MNX1: variants seen among roughly 807,000 people sequenced by gnomAD.
MNX1 encodes motor neuron and pancreas homeobox 1.
MNX1 carries 2 observed loss-of-function variants against 17.3 expected under a neutral mutation model. The observed-to-expected ratio is 0.12, with a 90% CI of 0.05 to 0.36. The LOEUF (loss-of-function observed/expected upper bound fraction) is 0.36. MNX1 is among the 10% of genes least tolerant of loss of function. The pLI is 1.00. For synonymous variants in MNX1, 306 were observed against 283.1 expected (o/e 1.08, Z -0.81); for missense variants, 556 against 564.7 (o/e 0.98, Z 0.16).
chr7:157,005,560 G>A lies in MNX1; in HGVS notation c.1166C>T (p.Ser389Leu), dbSNP rs200578176. ...CTGGTGGCTGGGCCGCGGGGGCGGC[G>A]AGTCGTCCTCCGAGGAGCAGTCGGA... The part of the protein sequence containing the change: ...ASSDCSSEDD[S>L]PPPRPSHQPA... The change falls in exon 3 of 3, where the codon TCG (serine) becomes TTG (leucine). Residue 389 changes from serine (S) to leucine (L), a missense_variant. This residue lies in a region of MNX1 where 178 missense variants were observed against 155.2 expected (regional missense o/e 1.15). Coordinates refer to ENST00000252971, the MANE Select transcript of MNX1 (RefSeq NM_005515.4). 3.1e-5 allele frequency: 48 copies of A among 1,561,544 alleles called. No individual in the cohort carries two copies. In the South Asian group the frequency reaches 4.3e-4, roughly 14 times the overall value.
chr7:157,009,361 T>C (rs1805664086), intron 1 of MNX1: 1 of 1,413,990 alleles, frequency 7.1e-7, no homozygotes. Context: ...CCCGGCGACT[T>C]CCTTCTCCTG....
rs746901793 is a variant in MNX1, at chr7:157,006,647, C to G, written c.692-8G>C. On this transcript the variant is annotated splice_polypyrimidine_tract_variant and splice_region_variant and intron_variant, in intron 1 of 2. Coordinates refer to ENST00000252971, the MANE Select transcript of MNX1 (RefSeq NM_005515.4). The surrounding 1 kb of genome is among the most constrained non-coding windows in gnomAD (Gnocchi z 6.3). ...GGTTCGACTGCGCCTGGGCTGGGGACCAAAGGGCAGTGAGGCCCACAGCCG... is the reference window on the plus strand; with the variant it reads ...GGTTCGACTGCGCCTGGGCTGGGGAGCAAAGGGCAGTGAGGCCCACAGCCG... 1.3e-5 allele frequency: 21 copies of G among 1,580,908 alleles called. No homozygotes were observed. In the South Asian group the frequency reaches 1.5e-4, roughly 11 times the overall value.
chr7:157,009,408 C>T (rs1268221695), intron 1 of MNX1: 5 of 1,425,636 alleles, frequency 3.5e-6, no homozygotes, highest in Admixed American at 2.9e-5. Context: ...CAGTCTCACA[C>T]CTCCAACTGC....
rs1311854133 is a variant in MNX1 at position 157,005,565 on chromosome 7, G to C, written c.1161C>G (p.Asp387Glu). ...GGCTGGGCCGCGGGGGCGGCGAGTC[G>C]TCCTCCGAGGAGCAGTCGGAGGAGG... ...HAASSDCSSE[D>E]DSPPPRPSHQ... Residue 387 changes from aspartate (D) to glutamate (E), a missense_variant, in exon 3 of 3, where the codon GAC (aspartate) becomes GAG (glutamate). By Grantham distance (45) the Asp-to-Glu change is conservative. Transcript: ENST00000252971. 1 of 1,571,230 alleles carries C rather than the reference G, an allele frequency of 6.4e-7. No individual in the cohort carries two copies. The highest frequency in any genetic ancestry group is 8.6e-7 in the Non-Finnish European group (1 of 1,162,832).
At chr7:157,008,289 T>C (rs1805641318) in intron 1 of MNX1, 1 of 152,302 alleles carries the variant, frequency 6.6e-6, no homozygotes, top group Admixed American at 6.5e-5. Flanking sequence ...GTCATATTGG[T>C]GGCTTTCTAT....
At chr7:157,007,211 C>T (rs970638037) in intron 1 of MNX1, 1 of 152,224 alleles carries the variant, frequency 6.6e-6, no homozygotes, top group African/African-American at 2.4e-5. Flanking sequence ...CAGATCCAAA[C>T]AGGTCTGGGA....
chr7:157,010,590 C>T lies in MNX1; in HGVS notation c.-240G>A, dbSNP rs561868927. The T allele has an allele frequency of 5.1e-4, 157 of 305,312 alleles. No individual in the cohort carries two copies. Among genetic ancestry groups the T allele is most frequent in the African/African-American group, 3.1e-3 (144 of 46,500 alleles). 18.9% of individuals were successfully genotyped at this position (305,312 alleles called of 1,614,324 possible). A position where few individuals can be genotyped will look rare whatever the true frequency, so the allele number is the denominator to read the frequency against. ...AAACTCCCACGCGAGTGCTTCCCCG[C>T]GTCCGGGCCCGGGAGCCCGGTTCTT... On this transcript the variant is annotated 5_prime_UTR_variant, in exon 1 of 3. Transcript: ENST00000252971.
In MNX1 at chr7:157,006,683, T is replaced by C; in HGVS notation, c.692-44A>G. 1 of 1,530,856 alleles carries C rather than the reference T, an allele frequency of 6.5e-7. No homozygotes were observed. Among genetic ancestry groups the C allele is most frequent in the Non-Finnish European group, 8.8e-7 (1 of 1,139,128 alleles). 94.8% of individuals were successfully genotyped at this position (1,530,856 alleles called of 1,614,324 possible). On this transcript the variant is annotated intron_variant, in intron 1 of 2. Transcript: ENST00000252971. This position sits in a 1 kb window ranked among gnomAD's most constrained non-coding sequence, Gnocchi z 6.3. ...TGAGGCCCACAGCCGGCTCCGGTCCTCGCCCCAGCCCCTCCCGTTGCTGCT... is the reference window on the plus strand; with the variant it reads ...TGAGGCCCACAGCCGGCTCCGGTCCCCGCCCCAGCCCCTCCCGTTGCTGCT...
intron 1 of MNX1, 21 bp downstream of exon 1, chr7:157,009,639 C>A: frequency 1.2e-6 from 2 of 1,606,272 alleles, no homozygotes; most frequent in African/African-American, 2.7e-5. Context: ...CGCGCATCCA[C>A]GGGGGCCGCA....
rs1491442119 is a variant in MNX1, at chr7:157,006,870, T to TTTTTTTTTTTTTTTTTGGG, written c.692-232_692-231insCCCAAAAAAAAAAAAAAAA. 1 of 419,488 alleles carries TTTTTTTTTTTTTTTTTGGG rather than the reference T, an allele frequency of 2.4e-6. No homozygotes were observed. Among genetic ancestry groups the TTTTTTTTTTTTTTTTTGGG allele is most frequent in the South Asian group, 3.6e-5 (1 of 27,920 alleles). 26.0% of individuals were successfully genotyped at this position (419,488 alleles called of 1,614,324 possible). On this transcript the variant is annotated intron_variant, in intron 1 of 2. Transcript: ENST00000252971. The surrounding 1 kb of genome is among the most constrained non-coding windows in gnomAD (Gnocchi z 6.3). ...TGAGACCAATTTTTTTTTTTTTTTT[T>TTTTTTTTTTTTTTTTTGGG]GTCTAGGAGACGTCTGAGTGTCCCT...
chr7:157,006,299 T>TG lies in MNX1; in HGVS notation c.852+179dup. On this transcript the variant is annotated intron_variant, in intron 2 of 2. Coordinates refer to ENST00000252971, the MANE Select transcript of MNX1 (RefSeq NM_005515.4). The surrounding 1 kb of genome is among the most constrained non-coding windows in gnomAD (Gnocchi z 6.3). ...GGAGGGGTGGTTAAGTGCTGATTCT[T>TG]GGGCCCCACCCGAAGCTACTGAATC... 1.6e-6 allele frequency: 1 copy of TG among 641,102 alleles called. No homozygotes were observed. The highest frequency in any genetic ancestry group is 2.7e-6 in the Non-Finnish European group (1 of 375,034). 39.7% of individuals were successfully genotyped at this position (641,102 alleles called of 1,614,324 possible).
chr7:157,008,799 G>T, intron 1 of MNX1: 1 of 602,600 alleles, frequency 1.7e-6, no homozygotes, highest in South Asian at 2.1e-5. Context: ...TGGGGCGAGC[G>T]GGGAGAGCCA....
Position 157,010,483 on chromosome 7 carries a change from G to A in MNX1, c.-133C>T. ...TGGTGGTTATTTGCCAATAATCAAA[G>A]TCGCCGCCGGAAACTCAGCCGAGGG... On this transcript the variant is annotated 5_prime_UTR_variant, in exon 1 of 3. Coordinates refer to ENST00000252971, the MANE Select transcript of MNX1 (RefSeq NM_005515.4). The A allele has an allele frequency of 5.2e-6, 3 of 575,010 alleles. No homozygotes were observed. In the Admixed American group the frequency reaches 1.3e-4, roughly 24 times the overall value. 35.6% of individuals were successfully genotyped at this position (575,010 alleles called of 1,614,324 possible).
rs1448966886 is a variant in MNX1 at position 157,009,271 on chromosome 7, C to T, written c.691+389G>A. The T allele has an allele frequency of 7.0e-6, 10 of 1,420,060 alleles. No individual in the cohort carries two copies. The Middle Eastern group carries it at 7.3e-4, about 104-fold the overall frequency. 88.0% of individuals were successfully genotyped at this position (1,420,060 alleles called of 1,614,324 possible). A position where few individuals can be genotyped will look rare whatever the true frequency, so the allele number is the denominator to read the frequency against. ...CTAACGCCCCAGTGGGGGACCTGGC[C>T]CAAGTTCCTTTCCCCGGTGATAAGC... On this transcript the variant is annotated intron_variant, in intron 1 of 2. Coordinates refer to ENST00000252971, the MANE Select transcript of MNX1 (RefSeq NM_005515.4).
At chr7:157,008,280 T>G (rs532606940) in intron 1 of MNX1, 1 of 152,294 alleles carries the variant, frequency 6.6e-6, no homozygotes, top group Admixed American at 6.5e-5. Flanking sequence ...GAAATGCAGG[T>G]CATATTGGTG....
chr7:157,006,741 G>T lies in MNX1; in HGVS notation c.692-102C>A. The T allele has an allele frequency of 7.7e-7, 1 of 1,304,804 alleles. No individual in the cohort carries two copies. Among genetic ancestry groups the T allele is most frequent in the Non-Finnish European group, 1.0e-6 (1 of 962,686 alleles). The allele number at this position is 1,304,804 out of a possible 1,614,324, so 80.8% of individuals were successfully genotyped here. On this transcript the variant is annotated intron_variant, in intron 1 of 2. Transcript: ENST00000252971. The surrounding 1 kb of genome is among the most constrained non-coding windows in gnomAD (Gnocchi z 6.3). ...CTACACTCAAGGCCCCAGCGCCAAGGCCTGGCCCTGCAGAGGGCGGGGCTG... is the reference window on the plus strand; with the variant it reads ...CTACACTCAAGGCCCCAGCGCCAAGTCCTGGCCCTGCAGAGGGCGGGGCTG...
Position 157,009,946 on chromosome 7 carries a change from C to G in MNX1, c.405G>C (p.Gly135=), listed in dbSNP as rs1586594961. The G allele has an allele frequency of 1.6e-6, 1 of 627,942 alleles. No individual in the cohort carries two copies. The highest frequency in any genetic ancestry group is 2.8e-5 in the African/African-American group (1 of 35,878). The allele number at this position is 627,942 out of a possible 1,614,324, so 38.9% of individuals were successfully genotyped here. A position where few individuals can be genotyped will look rare whatever the true frequency, so the allele number is the denominator to read the frequency against. ...CAGGGTGCAGCCCCAGCGCCAGGCC[C>G]CCAGCGGCGGCGGCGGCGGCGGCGG... is the stretch of plus-strand genomic sequence containing the variant. ...AAAAAAAAAA[G]GLALGLHPGG... The change falls in exon 1 of 3, where the codon GGG becomes GGC. Residue 135 remains glycine (G), a synonymous_variant. Transcript: ENST00000252971.
chr7:157,009,560 G>A (rs1171297558), intron 1 of MNX1, 100 bp downstream of exon 1: 1 of 1,517,134 alleles, frequency 6.6e-7, no homozygotes, highest in Non-Finnish European at 8.9e-7. Flanking sequence ...CTCTTCCCCC[G>A]CTCGCTGGGA....
rs1453074318 is a variant in MNX1, at chr7:157,006,425, G to A, written c.852+54C>T. 4 of 1,580,100 alleles carry A rather than the reference G, an allele frequency of 2.5e-6. No homozygotes were observed. Among genetic ancestry groups the A allele is most frequent in the African/African-American group, 1.3e-5 (1 of 74,430 alleles). ...CCGCCCGTGGGTCACAAGTGCAAAG[G>A]TAACAGTGTCCCCTGGGAGGCCGGG... On this transcript the variant is annotated intron_variant, in intron 2 of 2. Transcript: ENST00000252971. This position sits in a 1 kb window ranked among gnomAD's most constrained non-coding sequence, Gnocchi z 6.3.
Sources: allele counts gnomAD v4.1 joint callset, GRCh38; gene constraint gnomAD v4.1.1; regional missense constraint gnomAD v4.1.1; non-coding constraint Gnocchi (gnomAD v3.1); transcripts MANE v1.5; gene names NCBI Gene and HGNC (gene_info 2026-07-23, HGNC 2026-07-21).